WNT3: variants seen among roughly 807,000 people sequenced by gnomAD.
The protein encoded by WNT3 is proto-oncogene Wnt-3.
In WNT3, 7 loss-of-function variants were observed where a neutral mutation model predicts 34.2. The observed-to-expected ratio is 0.20, with a 90% CI of 0.12 to 0.38. The LOEUF (loss-of-function observed/expected upper bound fraction) is 0.38. WNT3 is among the 10% of genes least tolerant of loss of function. The probability of loss-of-function intolerance (pLI) is 1.00; values close to 1 mark genes in which losing one functional copy is unlikely to be tolerated. For missense variants in WNT3, 267 were observed against 499.8 expected (o/e 0.53, Z 4.44); for synonymous variants, 212 against 211.5 (o/e 1.00, Z -0.02).
chr17:46,773,588 C>T (rs1429385367), intron 2 of WNT3, 80 bp downstream of exon 2: 1 of 1,445,802 alleles, frequency 6.9e-7, no homozygotes, highest in African/African-American at 1.4e-5. Flanking sequence ...AAGAGGCACC[C>T]TGACTGGGGT....
chr17:46,803,685 T>C (rs1251000457), intron 1 of WNT3, among the ~76,000 whole-genome samples: 2 of 152,210 alleles, frequency 1.3e-5, no homozygotes, highest in African/African-American at 4.8e-5. Context: ...CCATCCCTTC[T>C]GCATCCCATG....
intron 1 of WNT3, among the ~76,000 whole-genome samples, chr17:46,803,535 G>GA (rs954905380): frequency 4.0e-5 from 6 of 148,800 alleles, no homozygotes; most frequent in South Asian, 2.1e-4. Flanking sequence ...TCTCAAGAAA[G>GA]AAAAAAAAAA....
chr17:46,797,256 G>T (rs377524699), intron 1 of WNT3, among the ~76,000 whole-genome samples: 1 of 152,150 alleles, frequency 6.6e-6, no homozygotes, highest in Admixed American at 6.5e-5. Context: ...CACACTATGC[G>T]ATGTCCTACT....
At chr17:46,770,627 C>T (rs1168738440) in intron 2 of WNT3, among the ~76,000 whole-genome samples, 7 of 152,214 alleles carry the variant, frequency 4.6e-5, no homozygotes, top group Non-Finnish European at 1.5e-5. Context: ...CCTAGAGCCC[C>T]TCACCAGGAG....
At chr17:46,776,334 C>G (rs531507739) in intron 1 of WNT3, among the ~76,000 whole-genome samples, 3 of 152,310 alleles carry the variant, frequency 2.0e-5, no homozygotes, top group Admixed American at 2.0e-4. Flanking sequence ...ACAGCACTGC[C>G]CCTGCCCTGT....
intron 1 of WNT3, among the ~76,000 whole-genome samples, chr17:46,802,505 TG>T (rs1438151732): frequency 6.6e-6 from 1 of 152,170 alleles, no homozygotes; most frequent in African/African-American, 2.4e-5. Flanking sequence ...TGACCTCAGA[TG>T]ATCCACCTGC....
rs1343963521 is a variant in WNT3, at chr17:46,769,938, G to C, written c.433C>G (p.His145Asp). 6.2e-7 allele frequency: 1 copy of C among 1,613,198 alleles called. No individual in the cohort carries two copies. The highest frequency in any genetic ancestry group is 8.5e-7 in the Non-Finnish European group (1 of 1,179,852). Residue 145 changes from histidine to aspartate, a missense_variant, in exon 3 of 5, where the codon CAT becomes GAT. His to Asp is a moderately conservative substitution (Grantham distance 81). Around this residue, in one of 3 missense-constraint regions of WNT3, gnomAD observed 181 missense variants for 391.3 expected, o/e 0.46. Coordinates refer to ENST00000225512, the MANE Select transcript of WNT3 (RefSeq NM_030753.5). ...TSTICGCDSHHKGPPGEGWKW... is the reference protein window; with the variant it reads ...TSTICGCDSHDKGPPGEGWKW... The stretch of plus-strand genomic sequence containing the variant: ...CAGCCTTCGCCAGGCGGCCCCTTAT[G>C]ATGCGAGTCACAGCCGCAAATGGTG...
intron 1 of WNT3, among the ~76,000 whole-genome samples, chr17:46,780,356 A>G (rs2059450212): frequency 6.6e-6 from 1 of 152,210 alleles, no homozygotes; most frequent in African/African-American, 2.4e-5. Context: ...GGCCTCCCAA[A>G]TGGAATCACA....
intron 1 of WNT3, among the ~76,000 whole-genome samples, chr17:46,799,046 CAAAAAAAA>C (rs35108068): frequency 1.1e-5 from 1 of 93,282 alleles, no homozygotes; most frequent in Non-Finnish European, 2.1e-5. Flanking sequence ...GACTCCGTCT[CAAAAAAAA>C]AAAAAAAAAA....
Position 46,768,320 on chromosome 17 carries a change from C to T in WNT3, c.1068G>A (p.Ter356=). The T allele has an allele frequency of 6.2e-7, 1 of 1,613,576 alleles. No individual in the cohort carries two copies. The highest frequency in any genetic ancestry group is 1.1e-5 in the South Asian group (1 of 91,074). The change falls in exon 4 of 5, where the codon TAG becomes TAA. Residue 356 remains the stop codon, a stop_retained_variant. Transcript: ENST00000225512. The surrounding 1 kb of genome is among the most constrained non-coding windows in gnomAD (Gnocchi z 5.0). ...GCTTCCCGGAGCCCTACCTGGTGCC[C>T]TACTTGCAGGTGTGCACGTCGTAGA... ...IRIYDVHTCK[*] is the part of the protein sequence containing the mutation.
At chr17:46,815,269 T>C (rs1466416568) in intron 1 of WNT3, among the ~76,000 whole-genome samples, 2 of 152,192 alleles carry the variant, frequency 1.3e-5, no homozygotes, top group Non-Finnish European at 2.9e-5. Context: ...TGTTGTTTCC[T>C]GTCCCGGCTC....
At chr17:46,794,397 C>A (rs1001774946) in intron 1 of WNT3, among the ~76,000 whole-genome samples, 4 of 152,096 alleles carry the variant, frequency 2.6e-5, no homozygotes, top group African/African-American at 9.7e-5. Flanking sequence ...CTGGATCCCC[C>A]GACAGGACCT....
At position 46,818,666 on chromosome 17, in the gene WNT3, G is replaced by C. The variant is rs975611450; in HGVS notation, c.-69C>G. The C allele has an allele frequency of 3.6e-6, 5 of 1,399,442 alleles. No homozygotes were observed. Among genetic ancestry groups the C allele is most frequent in the Non-Finnish European group, 5.0e-6 (5 of 1,008,178 alleles). The allele number at this position is 1,399,442 out of a possible 1,614,324, so 86.7% of individuals were successfully genotyped here. On this transcript the variant is annotated 5_prime_UTR_variant, in exon 1 of 5. Coordinates refer to ENST00000225512, the MANE Select transcript of WNT3 (RefSeq NM_030753.5). ...GGGGGAGCGACGCCCCCAATAGTTG[G>C]AACAAAGTCCACTTGAGATTGGAAA...
chr17:46,764,996 G>A (rs1568070598), intron 4 of WNT3, among the ~76,000 whole-genome samples: 1 of 152,378 alleles, frequency 6.6e-6, no homozygotes, highest in South Asian at 2.1e-4. Context: ...CTCACGCCAG[G>A]CATGCACTGT....
At chr17:46,789,411 A>G (rs1254417125) in intron 1 of WNT3, among the ~76,000 whole-genome samples, 1 of 152,158 alleles carries the variant, frequency 6.6e-6, no homozygotes, top group African/African-American at 2.4e-5. Context: ...AGGCTCCAAC[A>G]CCAGCGTGGC....
chr17:46,806,428 C>T (rs933438421), intron 1 of WNT3, among the ~76,000 whole-genome samples: 3 of 152,080 alleles, frequency 2.0e-5, no homozygotes, highest in Non-Finnish European at 2.9e-5. Context: ...AGGCTGGCCT[C>T]AAACTCCCAA....
chr17:46,794,752 C>CTTTTT (rs5820620), intron 1 of WNT3, among the ~76,000 whole-genome samples: 2 of 129,286 alleles, frequency 1.5e-5, no homozygotes, highest in Admixed American at 8.0e-5. Flanking sequence ...CTTTCTTTTT[C>CTTTTT]TTTTTTTTTT....
At chr17:46,815,177 C>T (rs1384084871) in intron 1 of WNT3, among the ~76,000 whole-genome samples, 2 of 152,084 alleles carry the variant, frequency 1.3e-5, no homozygotes, top group Non-Finnish European at 2.9e-5. Context: ...CCCACCCCAG[C>T]GCCCCCAAGA....
chr17:46,801,781 G>A (rs562829588), intron 1 of WNT3, among the ~76,000 whole-genome samples: 1 of 152,252 alleles, frequency 6.6e-6, no homozygotes, highest in South Asian at 2.1e-4. Context: ...TGTGAGGGAG[G>A]GCAGTGCCAC....
Sources: allele counts gnomAD v4.1 joint callset (sites outside exome capture counted in the v4.1 genomes callset), GRCh38; gene constraint gnomAD v4.1.1; regional missense constraint gnomAD v4.1.1; non-coding constraint Gnocchi (gnomAD v3.1); transcripts MANE v1.5; gene names NCBI Gene and HGNC (gene_info 2026-07-23, HGNC 2026-07-21).